NRXN3: variants seen among roughly 807,000 people sequenced by gnomAD.
NRXN3 encodes neurexin 3, also known as neurexin III.
In NRXN3, 32 loss-of-function variants were observed where a neutral mutation model predicts 137.6. The ratio of observed to expected loss-of-function variants is 0.23; its 90% CI spans 0.18 to 0.31. NRXN3 has a LOEUF of 0.31. Ranked by LOEUF, NRXN3 falls within the 10% of genes least tolerant of loss-of-function variation. NRXN3 has a pLI of 1.00. For synonymous variants in NRXN3, 798 were observed against 784.5 expected, an observed-to-expected ratio of 1.02 and a Z score of -0.29; for missense variants, 1,574 against 2,062.5, an observed-to-expected ratio of 0.76 and a Z score of 4.59.
intron 10 of NRXN3, among the ~76,000 whole-genome samples, chr14:78,951,838 A>G (rs1356472173): frequency 1.3e-5 from 2 of 152,188 alleles, no homozygotes; most frequent in Non-Finnish European, 2.9e-5. Flanking sequence ...AGAAGTGAGT[A>G]ACAGTATTCT....
At chr14:79,703,174 A>G (rs897798330) in intron 19 of NRXN3, among the ~76,000 whole-genome samples, 1 of 152,128 alleles carries the variant, frequency 6.6e-6, no homozygotes, top group African/African-American at 2.4e-5. Context: ...AAGCTTCACA[A>G]ACTTGGTGGT....
At chr14:78,281,337 G>A (rs1156331832) in intron 3 of NRXN3, among the ~76,000 whole-genome samples, 1 of 152,214 alleles carries the variant, frequency 6.6e-6, no homozygotes, top group African/African-American at 2.4e-5. Context: ...GTCAAGTTGG[G>A]GATTTTATGA....
At chr14:78,951,264 C>A (rs1348067575) in intron 10 of NRXN3, among the ~76,000 whole-genome samples, 2 of 152,132 alleles carry the variant, frequency 1.3e-5, no homozygotes, top group Non-Finnish European at 2.9e-5. Context: ...TTACTTAAAA[C>A]CTTCCAAGAG....
At position 79,862,974 on chromosome 14, in the gene NRXN3, G is replaced by C. The variant is rs763473381; in HGVS notation, c.*1010G>C. 1.8e-4 allele frequency: 28 copies of C among 152,596 alleles called. No homozygotes were observed. Among genetic ancestry groups the C allele is most frequent in the Non-Finnish European group, 3.1e-4 (21 of 68,052 alleles). The allele number at this position is 152,596 out of a possible 1,614,324, so 9.5% of individuals were successfully genotyped here. ...AACAGCCTTTCCTAGGGAAGAGGAA[G>C]GGGAGGTGGGCTGGATCTGTGACTG... On this transcript the variant is annotated 3_prime_UTR_variant, in exon 21 of 21. Transcript: ENST00000335750.
chr14:78,208,505 G>T (rs1277592654), intron 1 of NRXN3, among the ~76,000 whole-genome samples: 1 of 152,084 alleles, frequency 6.6e-6, no homozygotes, highest in African/African-American at 2.4e-5. Flanking sequence ...TTAAAATTCA[G>T]ATCAAATGCC....
At chr14:79,635,321 T>C (rs2098395511) in intron 16 of NRXN3, among the ~76,000 whole-genome samples, 1 of 152,166 alleles carries the variant, frequency 6.6e-6, no homozygotes, top group African/African-American at 2.4e-5. Context: ...TGATCGGACT[T>C]TGATGGTGGG....
chr14:79,319,518 C>T (rs147147563), intron 15 of NRXN3, among the ~76,000 whole-genome samples: 3 of 152,170 alleles, frequency 2.0e-5, no homozygotes, highest in Non-Finnish European at 2.9e-5. Context: ...AACTGCTTAG[C>T]GGAAGCAGAC....
At chr14:79,370,365 C>A in intron 15 of NRXN3, among the ~76,000 whole-genome samples, 1 of 143,366 alleles carries the variant, frequency 7.0e-6, no homozygotes, top group Non-Finnish European at 1.5e-5. Flanking sequence ...ATTGCCCAGG[C>A]TGGAGTGAAA....
intron 2 of NRXN3, among the ~76,000 whole-genome samples, chr14:78,270,449 G>A (rs1284404373): frequency 6.6e-6 from 1 of 152,188 alleles, no homozygotes; most frequent in Non-Finnish European, 1.5e-5. Context: ...TATGCATCCT[G>A]TTTCCTGGCA....
chr14:79,439,272 TCTCTA>T (rs2095893204), intron 15 of NRXN3, among the ~76,000 whole-genome samples: 2 of 152,230 alleles, frequency 1.3e-5, no homozygotes, highest in Non-Finnish European at 2.9e-5. Flanking sequence ...TTATTTGACT[TCTCTA>T]CTCAGAAAGC....
At chr14:79,510,998 C>T (rs1281673374) in intron 16 of NRXN3, among the ~76,000 whole-genome samples, 2 of 152,028 alleles carry the variant, frequency 1.3e-5, no homozygotes, top group East Asian at 1.9e-4. Flanking sequence ...GAGTTGATCA[C>T]AAAAGAATGT....
At chr14:79,384,088 G>T (rs1166014957) in intron 15 of NRXN3, among the ~76,000 whole-genome samples, 1 of 152,114 alleles carries the variant, frequency 6.6e-6, no homozygotes, top group African/African-American at 2.4e-5. Context: ...GCCAGAAATT[G>T]TCAGGCACCT....
intron 1 of NRXN3, among the ~76,000 whole-genome samples, chr14:78,207,194 C>G (rs2062282738): frequency 6.6e-6 from 1 of 152,112 alleles, no homozygotes; most frequent in Non-Finnish European, 1.5e-5. Flanking sequence ...AGGAATATTA[C>G]CTAGCCACAG....
At chr14:78,383,292 C>T (rs1024713894) in intron 4 of NRXN3, among the ~76,000 whole-genome samples, 2 of 152,028 alleles carry the variant, frequency 1.3e-5, no homozygotes, top group Non-Finnish European at 2.9e-5. Flanking sequence ...ATGCTCATTT[C>T]GTTATGGAAA....
At chr14:79,009,916 A>G (rs1047647494) in intron 15 of NRXN3, among the ~76,000 whole-genome samples, 4 of 152,228 alleles carry the variant, frequency 2.6e-5, no homozygotes, top group African/African-American at 9.6e-5. Flanking sequence ...CTGTGGGACT[A>G]TAAGGTATTC....
chr14:79,517,896 CTTTTTTTTTTTTTT>C (rs34241975), intron 16 of NRXN3, among the ~76,000 whole-genome samples: 1 of 73,354 alleles, frequency 1.4e-5, no homozygotes, highest in Non-Finnish European at 2.4e-5. Flanking sequence ...CCTGACTTTC[CTTTTTTTTTTTTTT>C]TTTTTTTTTT....
chr14:79,090,863 T>C (rs2049029493), intron 15 of NRXN3, among the ~76,000 whole-genome samples: 1 of 152,128 alleles, frequency 6.6e-6, no homozygotes, highest in African/African-American at 2.4e-5. Context: ...ACTGAAAATT[T>C]CCCAGCATTT....
At chr14:78,545,499 AT>A (rs2152131289) in intron 4 of NRXN3, among the ~76,000 whole-genome samples, 1 of 152,122 alleles carries the variant, frequency 6.6e-6, no homozygotes, top group African/African-American at 2.4e-5. Flanking sequence ...ATCCTGGCAC[AT>A]TTTTCTCTAT....
chr14:79,776,041 A>G (rs1311402825), intron 19 of NRXN3, among the ~76,000 whole-genome samples: 1 of 152,158 alleles, frequency 6.6e-6, no homozygotes, highest in East Asian at 1.9e-4. Context: ...GAGTGGAGAA[A>G]TAAGCAAAAT....
Sources: allele counts gnomAD v4.1 joint callset (sites outside exome capture counted in the v4.1 genomes callset), GRCh38; gene constraint gnomAD v4.1.1; transcripts MANE v1.5; gene names NCBI Gene and HGNC (gene_info 2026-07-23, HGNC 2026-07-21).